Variants in UTRN observed in about 807,000 individuals in gnomAD.
UTRN encodes the protein dystrophin-related protein 1.
A neutral mutation model predicts 463.9 loss-of-function variants in UTRN; 283 were observed. The observed-to-expected ratio is 0.61, with a 90% CI of 0.55 to 0.67. The LOEUF is 0.67. UTRN is among the 30% of genes least tolerant of loss of function. The pLI, the probability that UTRN is intolerant of heterozygous loss-of-function variation, is 0.00. For missense variants in UTRN, 3,922 were observed against 4,084.3 expected (o/e 0.96, Z 1.08); for synonymous variants, 1,442 against 1,431.5 (o/e 1.01, Z -0.17).
At chr6:144,430,082 A>C (rs9496970) in intron 9 of UTRN, among the ~76,000 whole-genome samples, 7,998 of 152,122 alleles carry the variant, frequency 0.053, 658 homozygotes, top group African/African-American at 0.17. Flanking sequence ...GGTTTTTCTC[A>C]TATCAGCCTA....
At chr6:144,719,428 T>G (rs541729743) in intron 53 of UTRN, among the ~76,000 whole-genome samples, 1 of 152,004 alleles carries the variant, frequency 6.6e-6, no homozygotes, top group African/African-American at 2.4e-5. Flanking sequence ...ATATAAAAAA[T>G]TATCTGGGCG....
Position 144,777,092 on chromosome 6 carries a change from C to G in UTRN, c.8632+2728C>G, listed in dbSNP as rs548270967. Among the ~76,000 whole-genome samples, 8 of 152,174 alleles carry G rather than the reference C, an allele frequency of 5.3e-5. No homozygotes were observed. The South Asian group carries it at 1.7e-3, about 32-fold the overall frequency. ...ATCATGGGATGGATGAGTCTGTGTT[C>G]GTCTCTACTTAGGACCTCATACAAT... On this transcript the variant is annotated intron_variant, in intron 60 of 74. Transcript: ENST00000367545.
chr6:144,659,026 A>C (rs1006875603), intron 51 of UTRN, among the ~76,000 whole-genome samples: 2 of 152,254 alleles, frequency 1.3e-5, no homozygotes, highest in Admixed American at 1.3e-4. Context: ...GGCATCAAAG[A>C]GATCGAAACA....
chr6:144,715,693 T>TCCCCCC (rs10660006), intron 53 of UTRN, among the ~76,000 whole-genome samples: 1 of 131,020 alleles, frequency 7.6e-6, no homozygotes, highest in African/African-American at 3.4e-5. Context: ...CTCTCTCTCT[T>TCCCCCC]CCCCCCCCAC....
chr6:144,631,996 G>C (rs1256986056), intron 51 of UTRN, among the ~76,000 whole-genome samples: 1 of 152,194 alleles, frequency 6.6e-6, no homozygotes, highest in Non-Finnish European at 1.5e-5. Context: ...ACCTTGGCTT[G>C]TAAGGGACCT....
intron 52 of UTRN, among the ~76,000 whole-genome samples, chr6:144,687,251 T>G (rs79281830): frequency 1.8e-3 from 272 of 152,168 alleles, no homozygotes; most frequent in African/African-American, 6.2e-3. Context: ...TTAGGTTGTT[T>G]CCTGGTGTTG....
chr6:144,684,847 T>G (rs1782584846), intron 52 of UTRN, among the ~76,000 whole-genome samples: 1 of 152,200 alleles, frequency 6.6e-6, no homozygotes, highest in Non-Finnish European at 1.5e-5. Flanking sequence ...TTCATTTTTA[T>G]TTTTTACTTA....
chr6:144,472,791 CAG>C (rs1353784411), intron 23 of UTRN, among the ~76,000 whole-genome samples: 1 of 145,272 alleles, frequency 6.9e-6, no homozygotes, highest in Non-Finnish European at 1.5e-5. Context: ...TTTTTTGAGA[CAG>C]AGTCTTGCTC....
chr6:144,596,574 C>T (rs1803665527), intron 51 of UTRN, among the ~76,000 whole-genome samples: 2 of 152,022 alleles, frequency 1.3e-5, no homozygotes, highest in African/African-American at 4.8e-5. Context: ...TTATATGTTT[C>T]TAATTTGGAC....
chr6:144,529,349 C>A (rs1247325341), intron 41 of UTRN, among the ~76,000 whole-genome samples: 1 of 152,216 alleles, frequency 6.6e-6, no homozygotes, highest in East Asian at 1.9e-4. Flanking sequence ...TCTGTAGATT[C>A]TCTCAGTTTT....
At chr6:144,513,541 T>C (rs1050352938) in intron 35 of UTRN, among the ~76,000 whole-genome samples, 1 of 151,794 alleles carries the variant, frequency 6.6e-6, no homozygotes, top group Non-Finnish European at 1.5e-5. Flanking sequence ...AGAGCAAGAC[T>C]CCATCTCAAA....
At chr6:144,598,418 G>C (rs1442284974) in intron 51 of UTRN, among the ~76,000 whole-genome samples, 1 of 152,144 alleles carries the variant, frequency 6.6e-6, no homozygotes, top group Admixed American at 6.6e-5. Flanking sequence ...CAGAGACCAA[G>C]GTTCTTATTA....
intron 2 of UTRN, among the ~76,000 whole-genome samples, chr6:144,302,401 C>T (rs1230547097): frequency 2.0e-5 from 3 of 152,046 alleles, no homozygotes; most frequent in Non-Finnish European, 4.4e-5. Flanking sequence ...ATCCCAGCTA[C>T]TTGGGAGGCT....
intron 33 of UTRN, among the ~76,000 whole-genome samples, chr6:144,495,446 G>C (rs766500613): frequency 6.6e-6 from 1 of 152,244 alleles, no homozygotes; most frequent in African/African-American, 2.4e-5. Flanking sequence ...CTCCGAGTGC[G>C]GGGCCCGCCA....
intron 14 of UTRN, among the ~76,000 whole-genome samples, chr6:144,445,124 G>A (rs1787532625): frequency 6.6e-6 from 1 of 152,160 alleles, no homozygotes; most frequent in South Asian, 2.1e-4. Flanking sequence ...GCTGAGGCAG[G>A]TGGATCACTT....
intron 42 of UTRN, among the ~76,000 whole-genome samples, chr6:144,531,464 A>G (rs186670980): frequency 2.7e-4 from 41 of 152,358 alleles, no homozygotes; most frequent in Middle Eastern, 3.4e-3. Flanking sequence ...AAACAATTTT[A>G]TATTTAGAAT....
chr6:144,585,967 A>G (rs1046029883), intron 51 of UTRN, among the ~76,000 whole-genome samples: 2 of 152,120 alleles, frequency 1.3e-5, no homozygotes, highest in African/African-American at 4.8e-5. Context: ...TAAAATTCAT[A>G]TTGGCATTTT....
intron 25 of UTRN, among the ~76,000 whole-genome samples, chr6:144,477,908 T>C (rs73780592): frequency 0.049 from 7,243 of 147,338 alleles, 220 homozygotes; most frequent in African/African-American, 0.084. Flanking sequence ...TCTATCTATC[T>C]ATCCATCCAT....
At chr6:144,839,665 A>G (rs917982943) in intron 72 of UTRN, among the ~76,000 whole-genome samples, 1 of 152,160 alleles carries the variant, frequency 6.6e-6, no homozygotes, top group African/African-American at 2.4e-5. Context: ...TTATGGTTGT[A>G]TCTGCCAAGG....
Sources: allele counts gnomAD v4.1 joint callset (sites outside exome capture counted in the v4.1 genomes callset), GRCh38; gene constraint gnomAD v4.1.1; transcripts MANE v1.5; gene names NCBI Gene and HGNC (gene_info 2026-07-23, HGNC 2026-07-21).